Variants in TUBGCP5 observed in about 807,000 individuals in gnomAD.
The protein encoded by TUBGCP5 is gamma-tubulin complex component 5.
Under a neutral mutation model 134.7 loss-of-function variants are expected in TUBGCP5, and 98 were observed. The ratio of observed to expected loss-of-function variants is 0.73; its 90% CI spans 0.62 to 0.86. The LOEUF (loss-of-function observed/expected upper bound fraction) is 0.86. TUBGCP5 is among the 40% of genes least tolerant of loss of function. The probability of loss-of-function intolerance (pLI) is 0.00; values close to 1 mark genes in which losing one functional copy is unlikely to be tolerated. For synonymous variants in TUBGCP5, 456 were observed against 431.4 expected (o/e 1.06, Z -0.71); for missense variants, 1,150 against 1,244.8 (o/e 0.92, Z 1.15).
At chr15:23,025,982 G>T in intron 8 of TUBGCP5, 134 bp downstream of exon 8, 1 of 624,960 alleles carries the variant, frequency 1.6e-6, no homozygotes, top group Admixed American at 3.4e-5. Context: ...AGTCAAATCT[G>T]GTCCGAACTT....
intron 23 of TUBGCP5, among the ~76,000 whole-genome samples, chr15:22,988,810 A>G (rs980467891): frequency 5.9e-5 from 9 of 151,544 alleles, no homozygotes; most frequent in African/African-American, 1.9e-4. Flanking sequence ...TTCTGTTGCC[A>G]GGCTGGAGTG....
rs780446681 is a variant in TUBGCP5, at chr15:23,039,537, G to A, written c.7C>T (p.Arg3Trp). Residue 3 changes from arginine to tryptophan, a missense_variant, in exon 1 of 23, where the codon CGG (arginine) becomes TGG (tryptophan). By Grantham distance (101) the Arg-to-Trp change is moderately radical. This residue lies in a region of TUBGCP5 where 453 missense variants were observed against 394.7 expected (regional missense o/e 1.15). Transcript: ENST00000615383. Reference sequence around the variant, plus strand: ...AACCGACTCCACGGTGGCCCGTGCCGCGCCATGTTCCGCGCTCCTGCAGCG... The same window carrying A: ...AACCGACTCCACGGTGGCCCGTGCCACGCCATGTTCCGCGCTCCTGCAGCG... MA[R>W]HGPPWSRLDA... 7 of 1,469,390 alleles carry A rather than the reference G, an allele frequency of 4.8e-6. No homozygotes were observed. Among genetic ancestry groups the A allele is most frequent in the South Asian group, 2.7e-5 (2 of 75,198 alleles). 91.0% of individuals were successfully genotyped at this position (1,469,390 alleles called of 1,614,324 possible).
downstream of TUBGCP5, among the ~76,000 whole-genome samples, chr15:22,995,243 A>G (rs1224975826): frequency 6.6e-6 from 1 of 151,902 alleles, no homozygotes; most frequent in Non-Finnish European, 1.5e-5. Context: ...GAATCTGTCT[A>G]AAATAAATAA....
At chr15:23,027,914 ACTGAAGAC>A (rs1156536700) in intron 6 of TUBGCP5, among the ~76,000 whole-genome samples, 1 of 152,166 alleles carries the variant, frequency 6.6e-6, no homozygotes, top group African/African-American at 2.4e-5. Flanking sequence ...TGAAATGGTA[ACTGAAGAC>A]CTTCCCAACC....
intron 21 of TUBGCP5, among the ~76,000 whole-genome samples, chr15:23,001,508 T>A (rs1381586630): frequency 1.3e-5 from 2 of 151,350 alleles, no homozygotes; most frequent in Non-Finnish European, 2.9e-5. Flanking sequence ...CACGCCTGGC[T>A]AATTTTGTAT....
At chr15:22,983,485 C>G (rs2063591039) in exon 24 of TUBGCP5, 1 of 152,078 alleles carries the variant, frequency 6.6e-6, no homozygotes, top group Admixed American at 6.6e-5. Context: ...TCGGTAATCC[C>G]AGCATTTTGG....
At chr15:22,983,076 A>C (rs2063583435), downstream of TUBGCP5, 1 of 152,236 alleles carries the variant, frequency 6.6e-6, no homozygotes, top group African/African-American at 2.4e-5. Context: ...AGACACAAAA[A>C]GAAGTAAAGA....
intron 1 of TUBGCP5, among the ~76,000 whole-genome samples, chr15:23,038,902 T>G (rs138919037): frequency 6.6e-6 from 1 of 151,826 alleles, no homozygotes. Flanking sequence ...GGAGTGGAAG[T>G]GGAGGAGACA....
intron 10 of TUBGCP5, 91 bp from the exon 11 acceptor site, chr15:23,022,252 G>A: frequency 7.4e-7 from 1 of 1,343,520 alleles, no homozygotes; most frequent in Non-Finnish European, 1.1e-6. Context: ...CAGGCTTATG[G>A]ACAGGCAGGG....
chr15:22,998,067 CA>C (rs1173299230), downstream of TUBGCP5, among the ~76,000 whole-genome samples: 2 of 152,134 alleles, frequency 1.3e-5, no homozygotes, highest in Non-Finnish European at 2.9e-5. Context: ...GTAATCCCAG[CA>C]CTTTGGGAGG....
At chr15:23,036,708 GCT>G (rs2066607136) in intron 3 of TUBGCP5, among the ~76,000 whole-genome samples, 187 bp downstream of exon 3, 1 of 152,110 alleles carries the variant, frequency 6.6e-6, no homozygotes, top group Non-Finnish European at 1.5e-5. Flanking sequence ...TTAAAAACAA[GCT>G]CTTTCTTTCA....
At position 23,003,051 on chromosome 15, in the gene TUBGCP5, A is replaced by C. The variant is rs894361611; in HGVS notation, c.2927+14T>G. 1 of 1,613,838 alleles carries C rather than the reference A, an allele frequency of 6.2e-7. No individual in the cohort carries two copies. On this transcript the variant is annotated intron_variant, in intron 21 of 22. Transcript: ENST00000615383. ...ATGGTCACAGTGCAGATGCTGCAGA[A>C]ATCACATACTTACCGCCAAGTGCCC...
rs772028976 is a variant in TUBGCP5 at position 23,008,807 on chromosome 15, G to A, written c.2219C>T (p.Thr740Met). The A allele has an allele frequency of 1.9e-5, 30 of 1,601,618 alleles. No individual in the cohort carries two copies. The highest frequency in any genetic ancestry group is 1.4e-4 in the South Asian group (12 of 87,722). ...EGGDTMYDFYTSIFDKIREKE... is the reference protein window; with the variant it reads ...EGGDTMYDFYMSIFDKIREKE... ...TTCTCTTATTTTATCAAAAATTGACGTGTAGAAGTCATACATGGTATCTCC... is the reference window on the plus strand; with the variant it reads ...TTCTCTTATTTTATCAAAAATTGACATGTAGAAGTCATACATGGTATCTCC... Residue 740 changes from threonine to methionine, a missense_variant, in exon 16 of 23, where the codon ACG (threonine) becomes ATG (methionine). Physicochemically the swap from Thr to Met is moderately conservative, Grantham distance 81. Transcript: ENST00000615383.
At chr15:23,037,194 A>G in intron 1 of TUBGCP5, 42 bp from the exon 2 acceptor site, 1 of 1,596,414 alleles carries the variant, frequency 6.3e-7, no homozygotes, top group Non-Finnish European at 8.6e-7. Flanking sequence ...ACTCTGTCAC[A>G]CAGGTAAGTG....
At chr15:23,006,700 C>T (rs1015734577) in intron 16 of TUBGCP5, among the ~76,000 whole-genome samples, 5 of 152,060 alleles carry the variant, frequency 3.3e-5, no homozygotes, top group Non-Finnish European at 5.9e-5. Flanking sequence ...CAGGAGAGGA[C>T]GAGCAGAGCA....
chr15:23,026,036 A>G, intron 8 of TUBGCP5, 80 bp downstream of exon 8: 1 of 1,185,792 alleles, frequency 8.4e-7, no homozygotes, highest in Non-Finnish European at 1.2e-6. Context: ...AAAATGCTTG[A>G]AAAGTTTCCT....
chr15:23,014,539 G>T (rs1376650101), intron 13 of TUBGCP5, among the ~76,000 whole-genome samples: 1 of 152,182 alleles, frequency 6.6e-6, no homozygotes, highest in Non-Finnish European at 1.5e-5. Flanking sequence ...CCTCATGCCA[G>T]CCAAGCAGCC....
intron 20 of TUBGCP5, among the ~76,000 whole-genome samples, chr15:23,003,660 T>C (rs1595823856): frequency 1.6e-5 from 2 of 122,310 alleles, no homozygotes; most frequent in African/African-American, 6.3e-5. Context: ...TTTTTTTTTT[T>C]TAAGAGACAA....
chr15:22,999,952 C>A, intron 22 of TUBGCP5, 86 bp from the exon 23 acceptor site: 2 of 1,271,054 alleles, frequency 1.6e-6, no homozygotes, highest in Non-Finnish European at 2.3e-6. Flanking sequence ...CCACTGTCAC[C>A]CAGGCTGGAG....
Sources: gnomAD v4.1 joint callset for allele counts (sites outside exome capture counted in the v4.1 genomes callset) on GRCh38, gnomAD v4.1.1 for gene constraint, gnomAD v4.1.1 regional missense constraint, MANE v1.5 for transcripts, NCBI Gene and HGNC (gene_info 2026-07-23, HGNC 2026-07-21) for gene names.